The following LIG3 variants were observed in gnomAD, a reference collection of about 807,000 sequenced individuals.
LIG3 encodes ligase II, DNA, ATP-dependent.
In LIG3, 58 loss-of-function variants were observed where a neutral mutation model predicts 110.9. That is an observed-to-expected ratio of 0.52 (90% confidence interval 0.42 to 0.65). LIG3 has a LOEUF of 0.65. Among genes scored for constraint, LIG3 ranks in the 30% least tolerant of loss-of-function variants. LIG3 has a pLI of 0.00. For missense variants in LIG3, 1,094 were observed against 1,273.8 expected (o/e 0.86, Z 2.15); for synonymous variants, 422 against 472.8 (o/e 0.89, Z 1.39).
In LIG3 at chr17:35,002,009, C is replaced by G. The variant is rs1363874124; in HGVS notation, c.2579C>G (p.Pro860Arg). 1.9e-6 allele frequency: 3 copies of G among 1,612,602 alleles called. No homozygotes were observed. Among genetic ancestry groups the G allele is most frequent in the Non-Finnish European group, 2.5e-6 (3 of 1,179,360 alleles). Residue 860 changes from proline to arginine, a missense_variant, in exon 18 of 20, where the codon CCC (proline) becomes CGC (arginine). Coordinates refer to ENST00000378526, the MANE Select transcript of LIG3 (RefSeq NM_013975.4). ...TGGSSEENKG[P>R]SGSAVSRKAP... ...GGTAGCAGTGAAGAGAATAAGGGTCCCTCAGGGTCTGCTGTGTCCCGCAAG... is the reference window on the plus strand; with the variant it reads ...GGTAGCAGTGAAGAGAATAAGGGTCGCTCAGGGTCTGCTGTGTCCCGCAAG...
At position 35,005,453 on chromosome 17, in the gene LIG3, T is replaced by C. The variant is rs2090888483; in HGVS notation, c.*947T>C. 1.8e-6 allele frequency: 1 copy of C among 560,676 alleles called. No homozygotes were observed. The highest frequency in any genetic ancestry group is 1.9e-5 in the African/African-American group (1 of 52,932). The allele number at this position is 560,676 out of a possible 1,614,324, so 34.7% of individuals were successfully genotyped here. Reference sequence around the variant, plus strand: ...CATGACTGGAGGAATAATTATATGATATTGTTGAACCCCCAAGTATTGGCT... The same window carrying C: ...CATGACTGGAGGAATAATTATATGACATTGTTGAACCCCCAAGTATTGGCT... On this transcript the variant is annotated 3_prime_UTR_variant, in exon 20 of 20. Transcript: ENST00000378526.
At chr17:34,987,484 T>G (rs1035327873) in intron 3 of LIG3, among the ~76,000 whole-genome samples, 1 of 152,220 alleles carries the variant, frequency 6.6e-6, no homozygotes, top group African/African-American at 2.4e-5. Flanking sequence ...TTTGGAGACA[T>G]TCTTGTGATT....
At position 34,983,127 on chromosome 17, in the gene LIG3, C is replaced by T. The variant is rs760812733; in HGVS notation, c.122C>T (p.Thr41Ile). The change falls in exon 2 of 20, where the codon ACA (threonine) becomes ATA (isoleucine). Residue 41 changes from threonine to isoleucine, a missense_variant. Transcript: ENST00000378526. ...DVRQFSQWSETDLLHGHPLFL... is the reference protein window; with the variant it reads ...DVRQFSQWSEIDLLHGHPLFL... ...AGACAATTCAGCCAGTGGTCAGAAA[C>T]AGATCTGCTTCATGGACATCCCCTC... 3 of 1,614,170 alleles carry T rather than the reference C, an allele frequency of 1.9e-6. No homozygotes were observed. In the South Asian group the frequency reaches 3.3e-5, roughly 18 times the overall value.
chr17:34,993,702 T>C (rs1185941041), intron 8 of LIG3, among the ~76,000 whole-genome samples: 1 of 152,190 alleles, frequency 6.6e-6, no homozygotes, highest in African/African-American at 2.4e-5. Context: ...ATTTGTCACA[T>C]AGGATGTCAC....
chr17:34,988,312 T>TGTTGGGGATGGAATTTGGGAGGA (rs1469505729), intron 3 of LIG3, among the ~76,000 whole-genome samples: 1 of 148,192 alleles, frequency 6.7e-6, no homozygotes, highest in African/African-American at 2.5e-5. Context: ...AGGGCTCCGG[T>TGTTGGGGATGGAATTTGGGAGGA]GTTGGGGATG....
rs748982215 is a variant in LIG3, at chr17:35,001,358, AGAT to A, written c.2437_2439del (p.Asp813del). The A allele has an allele frequency of 6.2e-7, 1 of 1,614,158 alleles. No individual in the cohort carries two copies. Among genetic ancestry groups the A allele is most frequent in the South Asian group, 1.1e-5 (1 of 91,084 alleles). ...GATTCCCTCGCTGCACCCGAATCCG[AGAT>A]GATAAGGACTGGAAATCTGCCACTA... On this transcript the variant is annotated inframe_deletion, in exon 17 of 20. Coordinates refer to ENST00000378526, the MANE Select transcript of LIG3 (RefSeq NM_013975.4).
intron 8 of LIG3, 140 bp downstream of exon 8, chr17:34,992,832 G>T: frequency 2.4e-6 from 2 of 834,742 alleles, no homozygotes; most frequent in South Asian, 5.1e-5. Context: ...GAGGTGCAAG[G>T]GGGTATTTCT....
At chr17:34,993,127 C>G (rs1183930115) in intron 8 of LIG3, among the ~76,000 whole-genome samples, 2 of 152,068 alleles carry the variant, frequency 1.3e-5, no homozygotes. Context: ...CTTCCTGTGA[C>G]AGGGTGACTT....
chr17:34,985,118 T>TA (rs1250874198), intron 2 of LIG3, among the ~76,000 whole-genome samples: 1 of 152,194 alleles, frequency 6.6e-6, no homozygotes, highest in African/African-American at 2.4e-5. Flanking sequence ...AGCTAGAAAA[T>TA]ATGTGCGTGT....
intron 7 of LIG3, 24 bp downstream of exon 7, chr17:34,992,059 C>G: frequency 6.3e-7 from 1 of 1,598,302 alleles, no homozygotes; most frequent in African/African-American, 1.3e-5. Flanking sequence ...CCGCTGACAG[C>G]CTGAGCTGTC....
In LIG3 at chr17:34,983,307, G is replaced by A. The variant is rs778111577; in HGVS notation, c.302G>A (p.Gly101Asp). The A allele has an allele frequency of 1.9e-5, 31 of 1,614,110 alleles. No homozygotes were observed. Among genetic ancestry groups the A allele is most frequent in the Non-Finnish European group, 2.5e-5 (30 of 1,180,054 alleles). The stretch of plus-strand genomic sequence containing the variant: ...TTCTGTGTGGACTATGCCAAGCGTG[G>A]CACAGCTGGCTGCAAAAAATGCAAG... ...QRFCVDYAKR[G>D]TAGCKKCKEK... Residue 101 changes from glycine (G) to aspartate (D), a missense_variant, in exon 2 of 20, where the codon GGC becomes GAC. By Grantham distance (94) the Gly-to-Asp change is moderately conservative (BLOSUM62 -1). Coordinates refer to ENST00000378526, the MANE Select transcript of LIG3 (RefSeq NM_013975.4).
In LIG3 at chr17:34,983,152, C is replaced by G. The variant is rs1877553572; in HGVS notation, c.147C>G (p.Leu49=). The G allele has an allele frequency of 6.2e-7, 1 of 1,614,058 alleles. No homozygotes were observed. Among genetic ancestry groups the G allele is most frequent in the African/African-American group, 1.3e-5 (1 of 74,906 alleles). ...SETDLLHGHP[L]FLRRKPVLSF... ...CAGATCTGCTTCATGGACATCCCCTCTTCCTGAGAAGAAAGCCTGTTCTAT... is the reference window on the plus strand; with the variant it reads ...CAGATCTGCTTCATGGACATCCCCTGTTCCTGAGAAGAAAGCCTGTTCTAT... The change falls in exon 2 of 20, where the codon CTC becomes CTG. Residue 49 remains leucine (L), a synonymous_variant. Transcript: ENST00000378526.
At chr17:35,002,833 C>G in intron 19 of LIG3, 44 bp downstream of exon 19, 1 of 1,572,752 alleles carries the variant, frequency 6.4e-7, no homozygotes, top group Non-Finnish European at 8.7e-7. Context: ...CAGTTTAGCC[C>G]AGGTTGTGTT....
chr17:35,004,353 T>C lies in LIG3; in HGVS notation c.2877T>C (p.Phe959=). 1 of 1,614,170 alleles carries C rather than the reference T, an allele frequency of 6.2e-7. No homozygotes were observed. Among genetic ancestry groups the C allele is most frequent in the Non-Finnish European group, 8.5e-7 (1 of 1,180,034 alleles). Reference sequence around the variant, plus strand: ...ACTTCAGCCGTCTCAGACGCTACTTTGTGGCATTCGACGGGGACCTGGTAC... The same window carrying C: ...ACTTCAGCCGTCTCAGACGCTACTTCGTGGCATTCGACGGGGACCTGGTAC... ...TPDFSRLRRY[F]VAFDGDLVQE... is the part of the protein sequence containing the mutation. The change falls in exon 20 of 20, where the codon TTT becomes TTC. Residue 959 remains phenylalanine, a synonymous_variant. Coordinates refer to ENST00000378526, the MANE Select transcript of LIG3 (RefSeq NM_013975.4).
chr17:34,983,666 T>G, intron 2 of LIG3, 114 bp downstream of exon 2: 2 of 1,038,932 alleles, frequency 1.9e-6, no homozygotes, highest in East Asian at 2.6e-5. Context: ...AGATGGGGTC[T>G]CACTCTGTTG....
chr17:35,003,171 A>C, intron 19 of LIG3: 1 of 1,528,086 alleles, frequency 6.5e-7, no homozygotes, highest in Non-Finnish European at 8.8e-7. Context: ...GTTTGTGGTC[A>C]GGGTGGAAGC....
In LIG3 at chr17:34,983,049, C is replaced by T. The variant is rs549325696; in HGVS notation, c.44C>T (p.Ala15Val). The change falls in exon 2 of 20, where the codon GCA becomes GTA. Residue 15 changes from alanine (A) to valine (V), a missense_variant. By Grantham distance (64) the Ala-to-Val change is moderately conservative (BLOSUM62 0). Transcript: ENST00000378526. ...FKIFFPQTLR[A>V]LSRKELCLFR... ...ATCTTCTTTCCACAAACCCTCCGTG[C>T]ACTCAGCCGAAAAGAACTGTGCCTA... 6 of 1,610,616 alleles carry T rather than the reference C, an allele frequency of 3.7e-6. No homozygotes were observed. The African/African-American group carries it at 8.0e-5, about 22-fold the overall frequency.
rs1567690584 is a variant in LIG3 at position 34,994,577 on chromosome 17, T to C, written c.1611+146T>C. The C allele has an allele frequency of 6.6e-6, 6 of 910,028 alleles. No individual in the cohort carries two copies. In the Admixed American group the frequency reaches 9.3e-5, roughly 14 times the overall value. The allele number at this position is 910,028 out of a possible 1,614,324, so 56.4% of individuals were successfully genotyped here. ...TTGAATGAATTAATTCATTTATTCA[T>C]TTTTGGAGTCTTCCCATAATGAAGG... is the stretch of plus-strand genomic sequence containing the variant. On this transcript the variant is annotated intron_variant, in intron 9 of 19. Coordinates refer to ENST00000378526, the MANE Select transcript of LIG3 (RefSeq NM_013975.4).
intron 5 of LIG3, 91 bp downstream of exon 5, chr17:34,991,205 G>T: frequency 1.6e-6 from 2 of 1,262,626 alleles, no homozygotes; most frequent in Non-Finnish European, 2.2e-6. Context: ...TTCTGGTTGG[G>T]ACACATACTG....
Sources: allele counts gnomAD v4.1 joint callset (sites outside exome capture counted in the v4.1 genomes callset), GRCh38; gene constraint gnomAD v4.1.1; transcripts MANE v1.5; gene names NCBI Gene and HGNC (gene_info 2026-07-23, HGNC 2026-07-21).